The following ACOXL variants were observed in gnomAD, a reference collection of about 807,000 sequenced individuals.
ACOXL encodes the protein acyl-CoA oxidase like.
In ACOXL, 70 loss-of-function variants were observed where a neutral mutation model predicts 71.9. The observed-to-expected ratio is 0.97, with a 90% CI of 0.80 to 1.19. The LOEUF (loss-of-function observed/expected upper bound fraction) is 1.19. ACOXL is among the 50% of genes most tolerant of loss of function. The probability of loss-of-function intolerance (pLI) is 0.00; values close to 1 mark genes in which losing one functional copy is unlikely to be tolerated. For synonymous variants in ACOXL, 253 were observed against 281.6 expected (o/e 0.90, Z 1.02); for missense variants, 703 against 736.3 (o/e 0.95, Z 0.52).
At chr2:110,925,532 T>C (rs567596959) in intron 11 of ACOXL, among the ~76,000 whole-genome samples, 5 of 152,350 alleles carry the variant, frequency 3.3e-5, no homozygotes, top group South Asian at 4.1e-4. Context: ...AGCCTCAAAC[T>C]TTTCTTTTGT....
intron 14 of ACOXL, among the ~76,000 whole-genome samples, chr2:111,020,320 G>T (rs967546401): frequency 1.3e-5 from 2 of 152,160 alleles, no homozygotes; most frequent in African/African-American, 4.8e-5. Context: ...AGCAGCGCTC[G>T]CATGGCAGCA....
At chr2:111,019,682 T>C (rs1206551581) in intron 14 of ACOXL, among the ~76,000 whole-genome samples, 2 of 152,106 alleles carry the variant, frequency 1.3e-5, no homozygotes, top group Non-Finnish European at 2.9e-5. Flanking sequence ...GACTTTGTCT[T>C]TGGGGTCTGT....
At position 110,768,328 on chromosome 2, in the gene ACOXL, C is replaced by T; in HGVS notation, c.-22-40C>T. The stretch of plus-strand genomic sequence containing the variant: ...AGCATCCACAGCCTCCCCTCAGTCA[C>T]CAATTATTGGCTGTCTTATTTTGTA... On this transcript the variant is annotated intron_variant, in intron 1 of 17. Transcript: ENST00000439055. 7 of 1,563,442 alleles carry T rather than the reference C, an allele frequency of 4.5e-6. No individual in the cohort carries two copies. In the South Asian group the frequency reaches 6.7e-5, roughly 15 times the overall value.
Position 110,933,624 on chromosome 2 carries a change from C to G in ACOXL, c.1041C>G (p.Arg347=), listed in dbSNP as rs148596635. 2.5e-6 allele frequency: 4 copies of G among 1,611,958 alleles called. No homozygotes were observed. The African/African-American group carries it at 5.3e-5, about 22-fold the overall frequency. Residue 347 remains arginine, a synonymous_variant, in exon 12 of 18, where the codon CGC becomes CGG. Transcript: ENST00000439055. ...ACATCCGCTGCCTGCAGGACTGCCGCGAGTGCACTGGAGGCATGGTGAGCC... is the reference window on the plus strand; with the variant it reads ...ACATCCGCTGCCTGCAGGACTGCCGGGAGTGCACTGGAGGCATGGTGAGCC... ...WENIRCLQDC[R]ECTGGMVVGR... is the part of the protein sequence containing the mutation.
chr2:111,031,682 T>G lies in ACOXL; in HGVS notation c.1337T>G (p.Val446Gly). The change falls in exon 15 of 18, where the codon GTG (valine) becomes GGG (glycine). Residue 446 changes from valine (V) to glycine (G), a missense_variant. Val to Gly is a moderately radical substitution (Grantham distance 109). Transcript: ENST00000439055. The part of the protein sequence containing the change: ...FHAWNSCLHH[V>G]ASLSLAHTHR... ...GCCTGGAACTCGTGTCTGCACCACG[T>G]GGCTTCTCTGTCCCTGGCACACACT... 1 of 1,614,202 alleles carries G rather than the reference T, an allele frequency of 6.2e-7. No homozygotes were observed.
At chr2:111,085,535 A>G (rs2068162169) in intron 16 of ACOXL, among the ~76,000 whole-genome samples, 1 of 152,218 alleles carries the variant, frequency 6.6e-6, no homozygotes, top group African/African-American at 2.4e-5. Flanking sequence ...ACTAATGAGA[A>G]CAGAGATACA....
intron 9 of ACOXL, among the ~76,000 whole-genome samples, chr2:110,834,005 T>A (rs1050136198): frequency 6.6e-6 from 1 of 152,204 alleles, no homozygotes; most frequent in Non-Finnish European, 1.5e-5. Flanking sequence ...AGCCCATCAA[T>A]GGGCTTGCAC....
At chr2:110,901,424 A>G (rs2059226763) in intron 10 of ACOXL, among the ~76,000 whole-genome samples, 1 of 152,132 alleles carries the variant, frequency 6.6e-6, no homozygotes, top group South Asian at 2.1e-4. Context: ...ATTGTCATTG[A>G]ACTCTTCACC....
intron 10 of ACOXL, among the ~76,000 whole-genome samples, chr2:110,883,774 T>C (rs757447489): frequency 1.2e-4 from 19 of 152,242 alleles, no homozygotes; most frequent in Admixed American, 9.8e-4. Context: ...TTTATGAAAA[T>C]TGTTCATACA....
At chr2:111,049,143 A>C in intron 15 of ACOXL, 75 bp from the exon 16 acceptor site, 1 of 1,141,630 alleles carries the variant, frequency 8.8e-7, no homozygotes, top group Non-Finnish European at 1.3e-6. Flanking sequence ...TTATAACCAC[A>C]GTGTCCTCCT....
chr2:110,949,217 A>C (rs1345509504), intron 12 of ACOXL, among the ~76,000 whole-genome samples: 3 of 152,168 alleles, frequency 2.0e-5, no homozygotes, highest in African/African-American at 7.2e-5. Flanking sequence ...CAGAGGGTCC[A>C]AGGCTGGATC....
At chr2:110,751,956 A>G (rs1679025135) in intron 1 of ACOXL, among the ~76,000 whole-genome samples, 1 of 152,264 alleles carries the variant, frequency 6.6e-6, no homozygotes. Flanking sequence ...TTGCTAAGTG[A>G]AAGAAGCCAG....
intron 10 of ACOXL, among the ~76,000 whole-genome samples, chr2:110,884,897 A>C (rs1697096580): frequency 6.6e-6 from 1 of 152,112 alleles, no homozygotes; most frequent in East Asian, 1.9e-4. Flanking sequence ...GAGATACAGC[A>C]ACAATTGAAA....
At chr2:110,880,873 T>C (rs544655953) in intron 10 of ACOXL, among the ~76,000 whole-genome samples, 1 of 152,292 alleles carries the variant, frequency 6.6e-6, no homozygotes, top group Admixed American at 6.5e-5. Flanking sequence ...GAGGCTCCTT[T>C]CTCCCACCTT....
chr2:111,117,595 C>T, intron 17 of ACOXL, 21 bp from the exon 18 acceptor site: 1 of 1,551,532 alleles, frequency 6.4e-7, no homozygotes, highest in Non-Finnish European at 8.7e-7. Context: ...CTGACCTGTC[C>T]CATTGTGTTG....
At chr2:110,928,871 T>C (rs2060377600) in intron 11 of ACOXL, among the ~76,000 whole-genome samples, 2 of 152,226 alleles carry the variant, frequency 1.3e-5, no homozygotes, top group African/African-American at 4.8e-5. Context: ...TTCACTTGTC[T>C]CCCATTGTCT....
chr2:110,935,454 GC>G (rs1257327610), intron 12 of ACOXL, among the ~76,000 whole-genome samples: 5 of 152,170 alleles, frequency 3.3e-5, no homozygotes, highest in Admixed American at 3.3e-4. Flanking sequence ...TCAATGCTGA[GC>G]CCTGGCAGTG....
chr2:110,747,956 G>T (rs953233378), intron 1 of ACOXL, among the ~76,000 whole-genome samples: 1 of 152,128 alleles, frequency 6.6e-6, no homozygotes, highest in Non-Finnish European at 1.5e-5. Context: ...AGAGGAATAT[G>T]GTTCTCACTC....
intron 12 of ACOXL, among the ~76,000 whole-genome samples, chr2:110,973,688 G>C (rs940348176): frequency 6.6e-6 from 1 of 152,208 alleles, no homozygotes; most frequent in Non-Finnish European, 1.5e-5. Context: ...TGTTTCTTCT[G>C]GATGACCGTG....
Sources: gnomAD v4.1 joint callset for allele counts (sites outside exome capture counted in the v4.1 genomes callset) on GRCh38, gnomAD v4.1.1 for gene constraint, MANE v1.5 for transcripts, NCBI Gene and HGNC (gene_info 2026-07-23, HGNC 2026-07-21) for gene names.